PAPPA: variants seen among roughly 807,000 people sequenced by gnomAD.
The protein encoded by PAPPA is pappalysin-1.
In PAPPA, 60 loss-of-function variants were observed where a neutral mutation model predicts 164.0. The ratio of observed to expected loss-of-function variants is 0.37; its 90% CI spans 0.30 to 0.45. The LOEUF is 0.45. Among genes scored for constraint, PAPPA ranks in the 20% least tolerant of loss-of-function variants. The pLI, the probability that PAPPA is intolerant of heterozygous loss-of-function variation, is 1.00. For missense variants in PAPPA, 1,782 were observed against 2,087.3 expected (o/e 0.85, Z 2.85); for synonymous variants, 875 against 814.1 (o/e 1.07, Z -1.27).
chr9:116,353,526 A>T, intron 16 of PAPPA, 96 bp from the exon 17 acceptor site: 6 of 1,126,620 alleles, frequency 5.3e-6, no homozygotes, highest in Non-Finnish European at 6.5e-6. Flanking sequence ...AAAACTAGGA[A>T]ATAGGAAATG....
At chr9:116,325,815 A>G (rs13297346) in intron 10 of PAPPA, among the ~76,000 whole-genome samples, 1 of 152,186 alleles carries the variant, frequency 6.6e-6, no homozygotes, top group Non-Finnish European at 1.5e-5. Context: ...TCAATAAGGT[A>G]CAGAACATAA....
At position 116,154,143 on chromosome 9, in the gene PAPPA, G is replaced by T. The variant is rs1239936882; in HGVS notation, c.-30G>T. 2 of 1,262,572 alleles carry T rather than the reference G, an allele frequency of 1.6e-6. No individual in the cohort carries two copies. Among genetic ancestry groups the T allele is most frequent in the Non-Finnish European group, 1.0e-6 (1 of 967,314 alleles). 78.2% of individuals were successfully genotyped at this position (1,262,572 alleles called of 1,614,324 possible). ...GGCAGCTCCGGGTGGCGGTGCAGGGGCGAAGGGGGGGCGGGGGGAACCGTC... is the reference window on the plus strand; with the variant it reads ...GGCAGCTCCGGGTGGCGGTGCAGGGTCGAAGGGGGGGCGGGGGGAACCGTC... On this transcript the variant is annotated 5_prime_UTR_variant, in exon 1 of 22. Coordinates refer to ENST00000328252, the MANE Select transcript of PAPPA (RefSeq NM_002581.5). The surrounding 1 kb of genome is among the most constrained non-coding windows in gnomAD (Gnocchi z 5.2).
intron 9 of PAPPA, chr9:116,285,732 C>G (rs1484212270): frequency 6.6e-6 from 1 of 152,204 alleles, no homozygotes; most frequent in Non-Finnish European, 1.5e-5. Flanking sequence ...GCACTGAGAC[C>G]TGCTTTAATT....
intron 9 of PAPPA, among the ~76,000 whole-genome samples, chr9:116,274,750 C>T (rs955762639): frequency 6.6e-6 from 1 of 152,170 alleles, no homozygotes; most frequent in Admixed American, 6.5e-5. Context: ...GAGCCCAACG[C>T]TTAGTATAGA....
At chr9:116,281,436 C>T (rs1357394129) in intron 9 of PAPPA, among the ~76,000 whole-genome samples, 2 of 152,122 alleles carry the variant, frequency 1.3e-5, no homozygotes, top group African/African-American at 2.4e-5. Context: ...AGGGAAGAAG[C>T]CTTGCCATCT....
intron 7 of PAPPA, among the ~76,000 whole-genome samples, chr9:116,259,101 C>A (rs1844970877): frequency 6.6e-6 from 1 of 151,886 alleles, no homozygotes; most frequent in Non-Finnish European, 1.5e-5. Context: ...CCACTGCACT[C>A]CAGCCTGGAC....
intron 6 of PAPPA, among the ~76,000 whole-genome samples, chr9:116,234,458 A>G (rs1041126725): frequency 1.3e-5 from 2 of 152,078 alleles, no homozygotes; most frequent in African/African-American, 4.8e-5. Flanking sequence ...TCATGGTTCT[A>G]GACAGTTTCC....
At chr9:116,331,721 G>A (rs1350900507) in intron 11 of PAPPA, among the ~76,000 whole-genome samples, 1 of 152,142 alleles carries the variant, frequency 6.6e-6, no homozygotes, top group East Asian at 1.9e-4. Flanking sequence ...TTGTTGGATG[G>A]TACTTGTCAC....
chr9:116,363,271 C>G (rs1846453829), intron 18 of PAPPA, among the ~76,000 whole-genome samples: 1 of 152,156 alleles, frequency 6.6e-6, no homozygotes, highest in South Asian at 2.1e-4. Flanking sequence ...TAACCTTTAA[C>G]AGATGAGGGA....
At position 116,396,572 on chromosome 9, in the gene PAPPA, C is replaced by T. The variant is rs1241665819; in HGVS notation, c.4840C>T (p.Gln1614Ter). Reference sequence around the variant, plus strand: ...CTGTGCTTGTCGGGACCCCCAGGCCCAAGAACACAGCCGGAAAGACCTCCG... The same window carrying T: ...CTGTGCTTGTCGGGACCCCCAGGCCTAAGAACACAGCCGGAAAGACCTCCG... The part of the protein sequence containing the change: ...GDCACRDPQA[Q>*]EHSRKDLRGY... Residue 1614 changes from glutamine (Q) to a stop codon, truncating the protein, a stop_gained, in exon 22 of 22, where the codon CAA becomes TAA. Transcript: ENST00000328252. LOFTEE classifies it high-confidence loss of function. 5.1e-6 allele frequency: 4 copies of T among 780,742 alleles called. No individual in the cohort carries two copies. Among genetic ancestry groups the T allele is most frequent in the African/African-American group, 1.7e-5 (1 of 59,112 alleles). The allele number at this position is 780,742 out of a possible 1,614,324, so 48.4% of individuals were successfully genotyped here.
intron 13 of PAPPA, among the ~76,000 whole-genome samples, chr9:116,340,738 A>G (rs1846125669): frequency 6.6e-6 from 1 of 152,212 alleles, no homozygotes; most frequent in African/African-American, 2.4e-5. Flanking sequence ...AGTTTAAAAA[A>G]CAATGTGTAC....
intron 19 of PAPPA, among the ~76,000 whole-genome samples, chr9:116,376,614 A>G (rs928083816): frequency 6.6e-6 from 1 of 152,158 alleles, no homozygotes; most frequent in Non-Finnish European, 1.5e-5. Flanking sequence ...CAATGAATAT[A>G]CTCAATATAT....
At chr9:116,288,192 A>C (rs1335540582) in intron 9 of PAPPA, among the ~76,000 whole-genome samples, 1 of 152,144 alleles carries the variant, frequency 6.6e-6, no homozygotes, top group African/African-American at 2.4e-5. Flanking sequence ...AACATGGTGA[A>C]ACCCTGCCTC....
At chr9:116,326,904 G>T (rs1649324294) in intron 10 of PAPPA, among the ~76,000 whole-genome samples, 1 of 152,172 alleles carries the variant, frequency 6.6e-6, no homozygotes, top group Admixed American at 6.5e-5. Flanking sequence ...TCTTATTGCA[G>T]ATTGCAGAAT....
At chr9:116,328,832 T>C (rs1845953413) in intron 10 of PAPPA, among the ~76,000 whole-genome samples, 2 of 152,156 alleles carry the variant, frequency 1.3e-5, no homozygotes, top group Admixed American at 1.3e-4. Context: ...CATTCGGATG[T>C]GCAAGGTAAA....
chr9:116,285,135 CTTT>C (rs1192345639), intron 9 of PAPPA, among the ~76,000 whole-genome samples: 2 of 136,310 alleles, frequency 1.5e-5, no homozygotes, highest in Non-Finnish European at 3.2e-5. Context: ...TTTTCTTTTT[CTTT>C]TTTCTTTCTT....
chr9:116,317,285 G>A (rs559049169), intron 10 of PAPPA, among the ~76,000 whole-genome samples: 2 of 152,110 alleles, frequency 1.3e-5, no homozygotes, highest in East Asian at 3.9e-4. Flanking sequence ...CAAGGGTTTC[G>A]GTGACCAGGC....
At chr9:116,331,098 T>A in intron 10 of PAPPA, 146 bp from the exon 11 acceptor site, 1 of 608,696 alleles carries the variant, frequency 1.6e-6, no homozygotes, top group East Asian at 2.8e-5. Context: ...TGTGAGCTCC[T>A]GGACCAGATT....
At chr9:116,166,578 G>T (rs116506057) in intron 1 of PAPPA, among the ~76,000 whole-genome samples, 44 of 152,142 alleles carry the variant, frequency 2.9e-4, no homozygotes, top group African/African-American at 9.2e-4. Flanking sequence ...TTCTCTATCC[G>T]CTGTTTATAT....
Sources: allele counts gnomAD v4.1 joint callset (sites outside exome capture counted in the v4.1 genomes callset), GRCh38; gene constraint gnomAD v4.1.1; non-coding constraint Gnocchi (gnomAD v3.1); transcripts MANE v1.5; gene names NCBI Gene and HGNC (gene_info 2026-07-23, HGNC 2026-07-21).